HNF1B: variants seen among roughly 807,000 people sequenced by gnomAD.
The protein encoded by HNF1B is HNF1 homeobox B, also known as hepatocyte nuclear factor 1-beta.
HNF1B carries 8 observed loss-of-function variants against 61.7 expected under a neutral mutation model. That is an observed-to-expected ratio of 0.13 (90% confidence interval 0.08 to 0.23). The LOEUF is 0.23. Among genes scored for constraint, HNF1B ranks in the 10% least tolerant of loss-of-function variants. The pLI is 1.00. For missense variants in HNF1B, 562 were observed against 714.5 expected, an observed-to-expected ratio of 0.79 and a Z score of 2.43; for synonymous variants, 314 against 287.7, an observed-to-expected ratio of 1.09 and a Z score of -0.93.
At chr17:37,705,088 T>C (rs369382627) in intron 5 of HNF1B, 39 bp from the exon 6 acceptor site, 1 of 1,597,890 alleles carries the variant, frequency 6.3e-7, no homozygotes, top group South Asian at 1.1e-5. Flanking sequence ...ATGGGTGGAC[T>C]TGGACCACAA....
chr17:37,705,534 T>G (rs1598810281), intron 5 of HNF1B, among the ~76,000 whole-genome samples: 1 of 152,158 alleles, frequency 6.6e-6, no homozygotes, highest in Admixed American at 6.5e-5. Context: ...ATTACAAAAT[T>G]TTTTTTCTTT....
intron 4 of HNF1B, among the ~76,000 whole-genome samples, chr17:37,711,915 C>A (rs1157058326): frequency 1.1e-4 from 17 of 152,110 alleles, no homozygotes; most frequent in Admixed American, 1.1e-3. Context: ...CCAGAGGAGA[C>A]CACAAAGTTC....
intron 8 of HNF1B, among the ~76,000 whole-genome samples, chr17:37,696,645 C>T (rs1326329013): frequency 6.6e-6 from 1 of 152,208 alleles, no homozygotes; most frequent in African/African-American, 2.4e-5. Context: ...ACCTCTTTTA[C>T]CCAGCCTCAG....
intron 4 of HNF1B, among the ~76,000 whole-genome samples, chr17:37,720,177 A>C (rs2033263248): frequency 6.6e-6 from 1 of 152,190 alleles, no homozygotes; most frequent in African/African-American, 2.4e-5. Flanking sequence ...ATTGATTTGC[A>C]GTAGTCCAGT....
At chr17:37,740,926 A>G (rs1374742353) in intron 1 of HNF1B, among the ~76,000 whole-genome samples, 1 of 152,244 alleles carries the variant, frequency 6.6e-6, no homozygotes, top group Non-Finnish European at 1.5e-5. Flanking sequence ...AAAGAGAGAT[A>G]TAATTTAAAA....
chr17:37,702,482 G>A (rs1050272749), intron 6 of HNF1B, among the ~76,000 whole-genome samples: 3 of 152,114 alleles, frequency 2.0e-5, no homozygotes, highest in South Asian at 2.1e-4. Context: ...GGGGCTCAGC[G>A]TCTCCTCAAG....
intron 5 of HNF1B, among the ~76,000 whole-genome samples, chr17:37,706,696 T>G (rs1194779513): frequency 1.2e-5 from 1 of 85,412 alleles, no homozygotes; most frequent in Non-Finnish European, 2.7e-5. Flanking sequence ...AAAAAAAAAA[T>G]CCGTAGCCTG....
At chr17:37,710,272 A>AAT (rs1488762265) in intron 5 of HNF1B, among the ~76,000 whole-genome samples, 1 of 152,234 alleles carries the variant, frequency 6.6e-6, no homozygotes, top group African/African-American at 2.4e-5. Context: ...AATCAATAAA[A>AAT]AGAGAGCAGA....
chr17:37,733,329 G>A (rs1268262310), intron 3 of HNF1B, among the ~76,000 whole-genome samples: 1 of 152,168 alleles, frequency 6.6e-6, no homozygotes, highest in African/African-American at 2.4e-5. Context: ...GGGCTTCTCG[G>A]AACCTTTAAT....
intron 5 of HNF1B, among the ~76,000 whole-genome samples, chr17:37,706,769 A>G (rs970666585): frequency 6.6e-6 from 1 of 152,066 alleles, no homozygotes; most frequent in African/African-American, 2.4e-5. Context: ...AGTGACAGTA[A>G]TTTCTCTGAC....
chr17:37,690,391 C>T (rs1416552240), intron 8 of HNF1B, among the ~76,000 whole-genome samples: 2 of 152,112 alleles, frequency 1.3e-5, no homozygotes, highest in East Asian at 1.9e-4. Flanking sequence ...TGATGGAAAG[C>T]TATTGGAGAG....
chr17:37,719,810 GT>G (rs1207880551), intron 4 of HNF1B, among the ~76,000 whole-genome samples: 1 of 152,202 alleles, frequency 6.6e-6, no homozygotes, highest in Non-Finnish European at 1.5e-5. Flanking sequence ...GAAAAGAGAG[GT>G]TTTCCACCAC....
chr17:37,698,180 T>G (rs2032449590), intron 8 of HNF1B, among the ~76,000 whole-genome samples: 1 of 152,076 alleles, frequency 6.6e-6, no homozygotes, highest in Non-Finnish European at 1.5e-5. Context: ...GCTTCTGACA[T>G]GAAGTTCAAG....
At chr17:37,723,961 G>T (rs1485318384) in intron 4 of HNF1B, among the ~76,000 whole-genome samples, 1 of 152,212 alleles carries the variant, frequency 6.6e-6, no homozygotes, top group African/African-American at 2.4e-5. Context: ...CAAAGTGAAG[G>T]TTGGAATTTG....
intron 1 of HNF1B, among the ~76,000 whole-genome samples, chr17:37,740,473 T>G (rs2033961936): frequency 6.6e-6 from 1 of 152,236 alleles, no homozygotes; most frequent in Admixed American, 6.5e-5. Flanking sequence ...TCTCCATTTC[T>G]TATAAAACAG....
At chr17:37,705,398 AT>A (rs2032711913) in intron 5 of HNF1B, among the ~76,000 whole-genome samples, 1 of 152,222 alleles carries the variant, frequency 6.6e-6, no homozygotes, top group African/African-American at 2.4e-5. Context: ...ACAGACAGTG[AT>A]CCCTGCCCTC....
At chr17:37,720,056 C>T (rs753595398) in intron 4 of HNF1B, among the ~76,000 whole-genome samples, 1 of 152,198 alleles carries the variant, frequency 6.6e-6, no homozygotes, top group Non-Finnish European at 1.5e-5. Flanking sequence ...TCCCAAGCAA[C>T]ACCAGGTGTT....
intron 4 of HNF1B, chr17:37,729,199 C>T (rs1365003613): frequency 6.6e-6 from 1 of 152,068 alleles, no homozygotes; most frequent in Non-Finnish European, 1.5e-5. Context: ...AACCCAGATA[C>T]ATAACTACAC....
chr17:37,736,308 T>C (rs1056772324), intron 2 of HNF1B, among the ~76,000 whole-genome samples: 1 of 152,240 alleles, frequency 6.6e-6, no homozygotes, highest in African/African-American at 2.4e-5. Context: ...ATTTTTTCAT[T>C]TGATGTGAAC....
Sources: gnomAD v4.1 joint callset for allele counts (sites outside exome capture counted in the v4.1 genomes callset) on GRCh38, gnomAD v4.1.1 for gene constraint, MANE v1.5 for transcripts, NCBI Gene and HGNC (gene_info 2026-07-23, HGNC 2026-07-21) for gene names.